Variants in EXOC4 observed in about 807,000 individuals in gnomAD.
EXOC4 encodes exocyst complex component 4.
Under a neutral mutation model 107.2 loss-of-function variants are expected in EXOC4, and 71 were observed. That is an observed-to-expected ratio of 0.66 (90% CI 0.55 to 0.81). The LOEUF is 0.81. Ranked by LOEUF, EXOC4 falls within the 30% of genes least tolerant of loss-of-function variation. The pLI is 0.00. For synonymous variants in EXOC4, 456 were observed against 441.2 expected (o/e 1.03, Z -0.42); for missense variants, 1,108 against 1,189.6 (o/e 0.93, Z 1.01).
intron 9 of EXOC4, among the ~76,000 whole-genome samples, chr7:133,612,486 G>C (rs1802094725): frequency 6.6e-6 from 1 of 151,814 alleles, no homozygotes; most frequent in Non-Finnish European, 1.5e-5. Flanking sequence ...GACAGCAGAG[G>C]GAACAAGATG....
chr7:133,290,037 C>A (rs1333624917), intron 3 of EXOC4, among the ~76,000 whole-genome samples: 1 of 152,186 alleles, frequency 6.6e-6, no homozygotes, highest in African/African-American at 2.4e-5. Context: ...GGTTCTAATT[C>A]ATTCAGACTT....
intron 10 of EXOC4, among the ~76,000 whole-genome samples, chr7:133,709,090 C>T (rs1794829123): frequency 6.6e-6 from 1 of 152,186 alleles, no homozygotes; most frequent in African/African-American, 2.4e-5. Context: ...ATGGCTACTT[C>T]TCGTCAGTAA....
chr7:133,902,774 G>A (rs1338664562), intron 12 of EXOC4, among the ~76,000 whole-genome samples: 1 of 151,832 alleles, frequency 6.6e-6, no homozygotes, highest in African/African-American at 2.4e-5. Context: ...AGAATCGCTT[G>A]AACCCGGGAG....
At position 133,854,617 on chromosome 7, in the gene EXOC4, C is replaced by T. The variant is rs547720256; in HGVS notation, c.1734+37073C>T. On this transcript the variant is annotated intron_variant, in intron 11 of 17. Transcript: ENST00000253861. ...CAATTCACTCCTTTAATCCACTCAGCAGATATTTTATTTTTAAAACACAAG... is the reference window on the plus strand; with the variant it reads ...CAATTCACTCCTTTAATCCACTCAGTAGATATTTTATTTTTAAAACACAAG... Among the ~76,000 whole-genome samples, 15 of 152,072 alleles carry T rather than the reference C, an allele frequency of 9.9e-5. 1 individual carries two copies. In the South Asian group the frequency reaches 3.1e-3, roughly 32 times the overall value.
At chr7:133,847,470 CT>C (rs922633106) in intron 11 of EXOC4, among the ~76,000 whole-genome samples, 1 of 151,116 alleles carries the variant, frequency 6.6e-6, no homozygotes, top group Non-Finnish European at 1.5e-5. Context: ...CTTCCACCTC[CT>C]GGGTTCAAGC....
rs186941478 is a variant in EXOC4 at position 133,872,744 on chromosome 7, A to G, written c.1735-22855A>G. Among the ~76,000 whole-genome samples, 32 of 152,392 alleles carry G rather than the reference A, an allele frequency of 2.1e-4. No homozygotes were observed. In the East Asian group the frequency reaches 5.4e-3, roughly 26 times the overall value. ...AATCATTAGAATGTGTTTCCAAATT[A>G]TAACTGCATGTTCTTAAAATCCCTC... On this transcript the variant is annotated intron_variant, in intron 11 of 17. Transcript: ENST00000253861.
chr7:133,621,239 A>G (rs1372754229), intron 9 of EXOC4, among the ~76,000 whole-genome samples: 1 of 152,168 alleles, frequency 6.6e-6, no homozygotes, highest in Non-Finnish European at 1.5e-5. Context: ...AATTTATTGT[A>G]AGGAGATAAT....
intron 10 of EXOC4, among the ~76,000 whole-genome samples, chr7:133,676,296 C>G (rs1794056357): frequency 6.6e-6 from 1 of 152,050 alleles, no homozygotes; most frequent in South Asian, 2.1e-4. Flanking sequence ...AGAATGGGCG[C>G]AAAATTTTAT....
At chr7:133,776,489 A>G (rs1796348036) in intron 10 of EXOC4, among the ~76,000 whole-genome samples, 1 of 152,164 alleles carries the variant, frequency 6.6e-6, no homozygotes, top group Non-Finnish European at 1.5e-5. Context: ...GGTCTGCCAA[A>G]GAAGGCTAAT....
At chr7:133,867,273 C>T (rs1170254422) in intron 11 of EXOC4, among the ~76,000 whole-genome samples, 1 of 152,224 alleles carries the variant, frequency 6.6e-6, no homozygotes, top group African/African-American at 2.4e-5. Context: ...ACCTTCTTCA[C>T]AGGATTGTTG....
chr7:133,258,248 G>T (rs1270132238), intron 1 of EXOC4, among the ~76,000 whole-genome samples: 1 of 152,196 alleles, frequency 6.6e-6, no homozygotes, highest in Non-Finnish European at 1.5e-5. Context: ...CTCAGAATTA[G>T]TGTCGTGGAC....
At chr7:133,702,247 G>A (rs1179190091) in intron 10 of EXOC4, among the ~76,000 whole-genome samples, 2 of 144,382 alleles carry the variant, frequency 1.4e-5, no homozygotes, top group Non-Finnish European at 3.0e-5. Context: ...TATCTAAGCA[G>A]CACAGCAGCA....
chr7:133,544,110 C>A (rs1038261147), intron 9 of EXOC4, among the ~76,000 whole-genome samples: 8 of 152,002 alleles, frequency 5.3e-5, no homozygotes, highest in African/African-American at 1.9e-4. Context: ...TGGGAAAATT[C>A]AAGTATTAAG....
At chr7:133,852,615 G>A (rs770874048) in intron 11 of EXOC4, among the ~76,000 whole-genome samples, 5 of 152,076 alleles carry the variant, frequency 3.3e-5, no homozygotes, top group Non-Finnish European at 7.4e-5. Context: ...AATGTATAAT[G>A]GCTCTTAGTT....
chr7:133,285,601 T>C (rs1026484575), intron 2 of EXOC4, among the ~76,000 whole-genome samples: 1 of 152,174 alleles, frequency 6.6e-6, no homozygotes, highest in Admixed American at 6.5e-5. Context: ...ACAGCTTTTA[T>C]GATTGTCTCT....
intron 1 of EXOC4, 127 bp from the exon 2 acceptor site, chr7:133,274,855 T>C (rs1793951521): frequency 1.4e-6 from 1 of 727,394 alleles, no homozygotes; most frequent in Non-Finnish European, 2.1e-6. Context: ...TTGTAACTTA[T>C]TTCATTTCCT....
chr7:133,694,502 A>G (rs1039902942), intron 10 of EXOC4, among the ~76,000 whole-genome samples: 5 of 152,256 alleles, frequency 3.3e-5, no homozygotes, highest in Admixed American at 2.6e-4. Flanking sequence ...GTTGTTTATC[A>G]TACTGAAATT....
chr7:133,306,133 A>G, intron 4 of EXOC4, 72 bp downstream of exon 4: 1 of 1,288,220 alleles, frequency 7.8e-7, no homozygotes, highest in Non-Finnish European at 1.1e-6. Flanking sequence ...TGTTTCCCAG[A>G]ATGTTGTTGT....
chr7:133,481,778 T>A (rs1799163969), intron 9 of EXOC4, among the ~76,000 whole-genome samples: 1 of 151,842 alleles, frequency 6.6e-6, no homozygotes, highest in Non-Finnish European at 1.5e-5. Context: ...ATGTCGAGAG[T>A]CTTGATGTAG....
Sources: gnomAD v4.1 joint callset for allele counts (sites outside exome capture counted in the v4.1 genomes callset) on GRCh38, gnomAD v4.1.1 for gene constraint, MANE v1.5 for transcripts, NCBI Gene and HGNC (gene_info 2026-07-23, HGNC 2026-07-21) for gene names.